The following TNFRSF8 variants were observed in gnomAD, a reference collection of about 807,000 sequenced individuals.
TNFRSF8 encodes TNF receptor superfamily member 8.
TNFRSF8 carries 26 observed loss-of-function variants against 70.8 expected under a neutral mutation model. The ratio of observed to expected loss-of-function variants is 0.37; its 90% CI spans 0.27 to 0.51. The LOEUF (loss-of-function observed/expected upper bound fraction) is 0.51. Among genes scored for constraint, TNFRSF8 ranks in the 20% least tolerant of loss-of-function variants. The probability of loss-of-function intolerance (pLI) is 0.94; values close to 1 mark genes in which losing one functional copy is unlikely to be tolerated. For missense variants in TNFRSF8, 720 were observed against 807.9 expected, an observed-to-expected ratio of 0.89 and a Z score of 1.32; for synonymous variants, 356 against 339.2, an observed-to-expected ratio of 1.05 and a Z score of -0.54.
intron 1 of TNFRSF8, among the ~76,000 whole-genome samples, chr1:12,073,247 C>T (rs547612785): frequency 2.6e-5 from 4 of 151,824 alleles, no homozygotes; most frequent in East Asian, 1.9e-4. Flanking sequence ...CCAGGGTGAC[C>T]GCAAGGCCCT....
chr1:12,136,270 A>G (rs1642143353), intron 13 of TNFRSF8, among the ~76,000 whole-genome samples: 1 of 152,200 alleles, frequency 6.6e-6, no homozygotes, highest in Non-Finnish European at 1.5e-5. Context: ...GAGAAATTTC[A>G]TGAAAGAGGT....
At chr1:12,065,382 C>T (rs187888794) in intron 1 of TNFRSF8, among the ~76,000 whole-genome samples, 1 of 152,248 alleles carries the variant, frequency 6.6e-6, no homozygotes, top group Admixed American at 6.5e-5. Flanking sequence ...CACACCCAGC[C>T]TCCCATACCC....
At chr1:12,075,739 C>T (rs80120101) in intron 1 of TNFRSF8, among the ~76,000 whole-genome samples, 2,107 of 152,318 alleles carry the variant, frequency 0.014, 41 homozygotes, top group African/African-American at 0.046. Flanking sequence ...AGAGCAGGAG[C>T]GTCACCATCT....
rs1201868307 is a variant in TNFRSF8 at position 12,115,592 on chromosome 1, A to C, written c.809A>C (p.Lys270Thr). 5.6e-6 allele frequency: 9 copies of C among 1,614,072 alleles called. No homozygotes were observed. The highest frequency in any genetic ancestry group is 3.3e-5 in the Admixed American group (2 of 60,004). The change falls in exon 8 of 15, where the codon AAG becomes ACG. Residue 270 changes from lysine to threonine, a missense_variant. Lys to Thr is a moderately conservative substitution (Grantham distance 78). Coordinates refer to ENST00000263932, the MANE Select transcript of TNFRSF8 (RefSeq NM_001243.5). ...VSCSRDDLVE[K>T]TPCAWNSSRT... is the part of the protein sequence containing the mutation. Reference sequence around the variant, plus strand: ...TGTCCCTTAGATGACCTTGTGGAGAAGACGCCATGTGCATGGAACTCCTCC... The same window carrying C: ...TGTCCCTTAGATGACCTTGTGGAGACGACGCCATGTGCATGGAACTCCTCC...
chr1:12,127,464 C>T (rs1474434740), intron 12 of TNFRSF8, among the ~76,000 whole-genome samples: 1 of 152,214 alleles, frequency 6.6e-6, no homozygotes. Context: ...CTTCCTTCCC[C>T]CTGCCAGCTC....
At position 12,142,665 on chromosome 1, in the gene TNFRSF8, G is replaced by A. The variant is rs544249743; in HGVS notation, c.*134G>A. On this transcript the variant is annotated 3_prime_UTR_variant, in exon 15 of 15. Coordinates refer to ENST00000263932, the MANE Select transcript of TNFRSF8 (RefSeq NM_001243.5). This position sits in a 1 kb window ranked among gnomAD's most constrained non-coding sequence, Gnocchi z 5.0. The stretch of plus-strand genomic sequence containing the variant: ...GGCTCCAGCATCTAGTGGTGGACCG[G>A]CCGGTCACTGCAGGGGTCTGGTGGT... 48 of 1,232,794 alleles carry A rather than the reference G, an allele frequency of 3.9e-5. No individual in the cohort carries two copies. The highest frequency in any genetic ancestry group is 5.0e-5 in the Non-Finnish European group (45 of 908,564). 76.4% of individuals were successfully genotyped at this position (1,232,794 alleles called of 1,614,324 possible).
chr1:12,078,681 G>A (rs540119063), intron 1 of TNFRSF8, among the ~76,000 whole-genome samples: 3 of 152,300 alleles, frequency 2.0e-5, no homozygotes, highest in South Asian at 4.1e-4. Context: ...ATCAGAGCAC[G>A]TGCCAAATCC....
chr1:12,124,481 G>C (rs973538454), intron 10 of TNFRSF8, among the ~76,000 whole-genome samples: 1 of 152,214 alleles, frequency 6.6e-6, no homozygotes, highest in African/African-American at 2.4e-5. Context: ...TAATGGCAGA[G>C]ACCGTGCAGG....
intron 2 of TNFRSF8, among the ~76,000 whole-genome samples, chr1:12,086,781 ATC>A (rs929886968): frequency 6.6e-6 from 1 of 151,026 alleles, no homozygotes; most frequent in African/African-American, 2.4e-5. Flanking sequence ...GGGAAGATCG[ATC>A]TCTCTCTCTC....
At chr1:12,099,443 C>T (rs543242501) in intron 3 of TNFRSF8, among the ~76,000 whole-genome samples, 2 of 152,154 alleles carry the variant, frequency 1.3e-5, no homozygotes, top group East Asian at 1.9e-4. Context: ...CCATTCCCGG[C>T]CCAATTTCTT....
intron 10 of TNFRSF8, among the ~76,000 whole-genome samples, chr1:12,124,883 A>AAAACAAAACAAAACAAAACAAAACAAAAC (rs1557600784): frequency 3.0e-5 from 4 of 131,888 alleles, no homozygotes; most frequent in East Asian, 2.1e-4. Flanking sequence ...CAAAACAAAC[A>AAAACAAAACAAAACAAAACAAAACAAAAC]AAACCCCCAA....
intron 2 of TNFRSF8, among the ~76,000 whole-genome samples, chr1:12,090,792 G>A (rs1459962573): frequency 1.3e-5 from 2 of 152,124 alleles, no homozygotes; most frequent in Non-Finnish European, 2.9e-5. Context: ...AGAAAAGGGG[G>A]TGCCATAGTT....
chr1:12,130,031 A>G (rs1008800103), intron 12 of TNFRSF8, among the ~76,000 whole-genome samples: 7 of 151,928 alleles, frequency 4.6e-5, no homozygotes, highest in Non-Finnish European at 7.4e-5. Flanking sequence ...CAGCCTCCCA[A>G]GTGGCTGGGA....
chr1:12,137,046 G>A (rs1344551835), intron 13 of TNFRSF8, among the ~76,000 whole-genome samples: 3 of 152,200 alleles, frequency 2.0e-5, no homozygotes, highest in South Asian at 4.1e-4. Context: ...GCCGCCTTCC[G>A]CAGTGTTTGT....
rs1330467184 is a variant in TNFRSF8, at chr1:12,104,263, T to C, written c.269-116T>C. Reference sequence around the variant, plus strand: ...TTTAGTGGTCACCAGGGGGTTGAGCTGGGAGGCGGAGGCTGCGTTGCGGAC... The same window carrying C: ...TTTAGTGGTCACCAGGGGGTTGAGCCGGGAGGCGGAGGCTGCGTTGCGGAC... On this transcript the variant is annotated intron_variant, in intron 3 of 14. Coordinates refer to ENST00000263932, the MANE Select transcript of TNFRSF8 (RefSeq NM_001243.5). 9 of 1,104,028 alleles carry C rather than the reference T, an allele frequency of 8.2e-6. No homozygotes were observed. In the East Asian group the frequency reaches 1.9e-4, roughly 24 times the overall value. 68.4% of individuals were successfully genotyped at this position (1,104,028 alleles called of 1,614,324 possible). A position where few individuals can be genotyped will look rare whatever the true frequency, so the allele number is the denominator to read the frequency against.
intron 2 of TNFRSF8, among the ~76,000 whole-genome samples, chr1:12,087,221 A>T (rs557194188): frequency 8.2e-5 from 11 of 133,486 alleles, no homozygotes; most frequent in African/African-American, 2.6e-4. Context: ...AGGCTGGAGT[A>T]CGGTGGTGTG....
chr1:12,127,328 AAGG>A (rs1641959966), intron 12 of TNFRSF8, among the ~76,000 whole-genome samples: 1 of 152,212 alleles, frequency 6.6e-6, no homozygotes, highest in South Asian at 2.1e-4. Context: ...TTTGTTCTGC[AAGG>A]AGGAGGCAGG....
chr1:12,103,556 A>G (rs1372058037), intron 3 of TNFRSF8, among the ~76,000 whole-genome samples: 1 of 151,874 alleles, frequency 6.6e-6, no homozygotes, highest in African/African-American at 2.4e-5. Flanking sequence ...TACAGCCTCA[A>G]CCTCCTGGGC....
chr1:12,122,972 G>T (rs1240068535), intron 8 of TNFRSF8, among the ~76,000 whole-genome samples: 2 of 152,076 alleles, frequency 1.3e-5, no homozygotes, highest in Non-Finnish European at 2.9e-5. Flanking sequence ...AGGATTACAG[G>T]TGTGTGCCAT....
Sources: gnomAD v4.1 joint callset for allele counts (sites outside exome capture counted in the v4.1 genomes callset) on GRCh38, gnomAD v4.1.1 for gene constraint, Gnocchi (gnomAD v3.1) non-coding constraint, MANE v1.5 for transcripts, NCBI Gene and HGNC (gene_info 2026-07-23, HGNC 2026-07-21) for gene names.